Variants in CHODL observed in about 807,000 individuals in gnomAD.
CHODL encodes transmembrane protein MT75.
In CHODL, 29 loss-of-function variants were observed where a neutral mutation model predicts 34.5. The observed-to-expected ratio is 0.84, with a 90% CI of 0.63 to 1.15. The LOEUF is 1.15. Among genes scored for constraint, CHODL ranks in the 50% most tolerant of loss-of-function variants. The pLI is 0.00. For missense variants in CHODL, 332 were observed against 332.5 expected (o/e 1.00, Z 0.01); for synonymous variants, 125 against 116.1 (o/e 1.08, Z -0.49).
chr21:18,061,221 T>A (rs1600951705), intron 2 of CHODL, among the ~76,000 whole-genome samples: 1 of 152,262 alleles, frequency 6.6e-6, no homozygotes, highest in East Asian at 1.9e-4. Context: ...AGCAACCATC[T>A]CAAAATGTGT....
chr21:18,152,016 G>A (rs1465107842), intron 2 of CHODL, among the ~76,000 whole-genome samples: 1 of 150,284 alleles, frequency 6.7e-6, no homozygotes, highest in Non-Finnish European at 1.5e-5. Context: ...GTGTGTGTGT[G>A]TGTGTGTGTT....
chr21:17,935,128 C>T (rs1224039892), intron 1 of CHODL, among the ~76,000 whole-genome samples: 1 of 152,112 alleles, frequency 6.6e-6, no homozygotes, highest in Admixed American at 6.6e-5. Flanking sequence ...CTGGACTGTC[C>T]AAATTGTTAG....
chr21:18,078,072 A>T (rs1283837485), intron 2 of CHODL, among the ~76,000 whole-genome samples: 1 of 152,146 alleles, frequency 6.6e-6, no homozygotes, highest in African/African-American at 2.4e-5. Flanking sequence ...CTTTCTCTGG[A>T]TAAGTGGATT....
At chr21:18,101,762 G>T (rs905674329) in intron 2 of CHODL, among the ~76,000 whole-genome samples, 3 of 149,350 alleles carry the variant, frequency 2.0e-5, no homozygotes, top group South Asian at 2.1e-4. Context: ...GTATAAGAAA[G>T]TTTCTCATCC....
intron 1 of CHODL, among the ~76,000 whole-genome samples, chr21:17,938,109 G>A (rs991944345): frequency 1.3e-5 from 2 of 152,102 alleles, no homozygotes; most frequent in Non-Finnish European, 2.9e-5. Flanking sequence ...TTATTAATAC[G>A]TAGTTCCCCA....
rs557423500 is a variant in CHODL, at chr21:18,179,160, A to G, written c.-44-77349A>G. ...TCAAGTTGAAAACCGCCATTTGTGGAGTTTTGAGGTGGTGCAGGACTTACC... is the reference window on the plus strand; with the variant it reads ...TCAAGTTGAAAACCGCCATTTGTGGGGTTTTGAGGTGGTGCAGGACTTACC... On this transcript the variant is annotated intron_variant, in intron 2 of 6. Transcript: ENST00000400127. Among the ~76,000 whole-genome samples, 5 of 152,142 alleles carry G rather than the reference A, an allele frequency of 3.3e-5. 1 individual carries two copies. Among genetic ancestry groups the G allele is most frequent in the African/African-American group, 1.2e-4 (5 of 41,508 alleles).
At chr21:17,971,595 G>A (rs1161885722) in intron 1 of CHODL, among the ~76,000 whole-genome samples, 1 of 151,500 alleles carries the variant, frequency 6.6e-6, no homozygotes, top group African/African-American at 2.4e-5. Flanking sequence ...TTTTTTTCTT[G>A]TAAATTTGTT....
intron 2 of CHODL, among the ~76,000 whole-genome samples, chr21:18,194,547 A>G (rs1188925913): frequency 6.6e-6 from 1 of 151,590 alleles, no homozygotes; most frequent in Non-Finnish European, 1.5e-5. Flanking sequence ...TCTTAAAGTC[A>G]TTTATCAGAG....
intron 1 of CHODL, among the ~76,000 whole-genome samples, chr21:18,021,445 C>A (rs2064126874): frequency 6.6e-6 from 1 of 152,170 alleles, no homozygotes; most frequent in African/African-American, 2.4e-5. Flanking sequence ...AAACAGTTTC[C>A]TTCCAGACTG....
In CHODL at chr21:18,218,614, G is replaced by C. The variant is rs542816155; in HGVS notation, c.-44-37895G>C. On this transcript the variant is annotated intron_variant, in intron 2 of 6. Transcript: ENST00000400127. ...CTCATTACTTATGCAAATTTCTGCA[G>C]TCAGCTTGAATTTCTCCCCAGAGAA... Among the ~76,000 whole-genome samples, 114 of 152,322 alleles carry C rather than the reference G, an allele frequency of 7.5e-4. 2 individuals carry two copies. The South Asian group carries it at 0.014, about 19-fold the overall frequency.
intron 1 of CHODL, among the ~76,000 whole-genome samples, chr21:17,930,037 G>A (rs1163341025): frequency 3.3e-5 from 5 of 152,128 alleles, no homozygotes; most frequent in Non-Finnish European, 7.4e-5. Context: ...TGAGAGCCCA[G>A]CCCCCAGAGG....
intron 2 of CHODL, among the ~76,000 whole-genome samples, chr21:18,163,083 A>G (rs2073115325): frequency 1.3e-5 from 2 of 152,228 alleles, no homozygotes; most frequent in African/African-American, 4.8e-5. Flanking sequence ...TGGAAAGGAT[A>G]CTAGAGTGTT....
chr21:17,965,830 A>G (rs2146356897), intron 1 of CHODL, among the ~76,000 whole-genome samples: 1 of 152,238 alleles, frequency 6.6e-6, no homozygotes, highest in Non-Finnish European at 1.5e-5. Flanking sequence ...CTAGAGTTAC[A>G]TGACCAAGAT....
intron 1 of CHODL, among the ~76,000 whole-genome samples, chr21:17,957,759 C>G (rs944093586): frequency 1.3e-5 from 2 of 151,374 alleles, no homozygotes; most frequent in African/African-American, 4.8e-5. Flanking sequence ...AAAATAATCT[C>G]TTAGTGCAAA....
At chr21:18,217,891 C>T (rs1163270566) in intron 2 of CHODL, among the ~76,000 whole-genome samples, 1 of 152,168 alleles carries the variant, frequency 6.6e-6, no homozygotes, top group Non-Finnish European at 1.5e-5. Context: ...GGGGCAGTCA[C>T]ATCATAAAGC....
At chr21:17,938,580 G>A (rs1050067998) in intron 1 of CHODL, among the ~76,000 whole-genome samples, 3 of 141,090 alleles carry the variant, frequency 2.1e-5, no homozygotes, top group Admixed American at 7.8e-5. Context: ...CCGGGTTCGC[G>A]CCATTCTCCT....
intron 2 of CHODL, among the ~76,000 whole-genome samples, chr21:18,208,963 C>T (rs1568938059): frequency 6.8e-6 from 1 of 147,750 alleles, no homozygotes; most frequent in Non-Finnish European, 1.5e-5. Context: ...TGTGCTGGAT[C>T]ATACCTGAAG....
chr21:18,250,608 A>G (rs1026312812), intron 1 of CHODL, among the ~76,000 whole-genome samples: 4 of 152,020 alleles, frequency 2.6e-5, no homozygotes, highest in Non-Finnish European at 4.4e-5. Flanking sequence ...AGTTGGTGTA[A>G]CATTGAATGC....
At chr21:17,928,777 G>A (rs1399860774) in intron 1 of CHODL, among the ~76,000 whole-genome samples, 2 of 152,176 alleles carry the variant, frequency 1.3e-5, no homozygotes, top group Non-Finnish European at 2.9e-5. Flanking sequence ...GGTGATTAGA[G>A]GATGGTGGGA....
Sources: gnomAD v4.1 joint callset for allele counts (sites outside exome capture counted in the v4.1 genomes callset) on GRCh38, gnomAD v4.1.1 for gene constraint, MANE v1.5 for transcripts, NCBI Gene and HGNC (gene_info 2026-07-23, HGNC 2026-07-21) for gene names.